Variants in TPP1 observed in about 807,000 individuals in gnomAD.
The protein encoded by TPP1 is tripeptidyl peptidase 1, also known as tripeptidyl-peptidase 1.
Under a neutral mutation model 67.6 loss-of-function variants are expected in TPP1, and 43 were observed. The observed-to-expected ratio is 0.64, with a 90% CI of 0.50 to 0.82. TPP1 has a LOEUF of 0.82. TPP1 is among the 40% of genes least tolerant of loss of function. TPP1 has a pLI of 0.00. For synonymous variants in TPP1, 272 were observed against 281.5 expected, an observed-to-expected ratio of 0.97 and a Z score of 0.34; for missense variants, 671 against 710.9, an observed-to-expected ratio of 0.94 and a Z score of 0.64.
At chr11:6,615,371 C>T (rs775743187) in intron 10 of TPP1, 42 bp from the exon 11 acceptor site, 14 of 1,613,982 alleles carry the variant, frequency 8.7e-6, no homozygotes, top group African/African-American at 1.3e-5. Flanking sequence ...GTGGCCTGCC[C>T]AGCAGTCAGC....
intron 3 of TPP1, chr11:6,618,534 T>G (rs1855619177): frequency 4.9e-6 from 3 of 610,552 alleles, no homozygotes; most frequent in East Asian, 5.5e-5. Flanking sequence ...TAGAATGGAT[T>G]TGAGGGTAGG....
chr11:6,617,159 G>C lies in TPP1; in HGVS notation c.509-6C>G, dbSNP rs778046473. The C allele has an allele frequency of 1.2e-6, 2 of 1,614,066 alleles. No individual in the cohort carries two copies. Among genetic ancestry groups the C allele is most frequent in the East Asian group, 4.5e-5 (2 of 44,868 alleles). On this transcript the variant is annotated splice_region_variant and splice_polypyrimidine_tract_variant and intron_variant, in intron 5 of 12. Coordinates refer to ENST00000299427, the MANE Select transcript of TPP1 (RefSeq NM_000391.4). The stretch of plus-strand genomic sequence containing the variant: ...AAAACGGTGCAGTCCCCCCACTGTA[G>C]GGAGAAGTCAGGCTTGAGGAGATCT...
At position 6,615,453 on chromosome 11, in the gene TPP1, G is replaced by C. The variant is rs944081613; in HGVS notation, c.1255C>G (p.Pro419Ala). 4 of 1,614,102 alleles carry C rather than the reference G, an allele frequency of 2.5e-6. No individual in the cohort carries two copies. Among genetic ancestry groups the C allele is most frequent in the Non-Finnish European group, 3.4e-6 (4 of 1,180,052 alleles). The change falls in exon 10 of 13, where the codon CCT (proline) becomes GCT (alanine). Residue 419 changes from proline (P) to alanine (A), a missense_variant. Physicochemically the swap from Pro to Ala is conservative, Grantham distance 27 (BLOSUM62 -1). Coordinates refer to ENST00000299427, the MANE Select transcript of TPP1 (RefSeq NM_000391.4). ...GGGFSNVFPR[P>A]SYQEEAVTKF... ...ACAAACACACGTACCTGGTATGAAG[G>C]CCGTGGGAACACATTGCTGAAGCCA... is the stretch of plus-strand genomic sequence containing the variant.
chr11:6,614,603 T>C lies in TPP1; in HGVS notation c.1635A>G (p.Val545=). 3.1e-6 allele frequency: 5 copies of C among 1,614,146 alleles called. No individual in the cohort carries two copies. Among genetic ancestry groups the C allele is most frequent in the Non-Finnish European group, 2.5e-6 (3 of 1,179,998 alleles). The change falls in exon 13 of 13, where the codon GTA becomes GTG. Residue 545 remains valine (V), a synonymous_variant. Transcript: ENST00000299427. The part of the protein sequence containing the change: ...GFCSGPGWDP[V]TGWGTPNFPA... ...GGAAGTTGGGTGTTCCCCAGCCTGT[T>C]ACAGGATCCCAGCCAGGACCAGAGC...
At chr11:6,618,559 T>A in intron 3 of TPP1, 1 of 642,058 alleles carries the variant, frequency 1.6e-6, no homozygotes, top group Non-Finnish European at 2.7e-6. Flanking sequence ...GGAACGTAAG[T>A]TGTACTAGAT....
Position 6,615,197 on chromosome 11 carries a change from G to C in TPP1, c.1399C>G (p.Pro467Ala), listed in dbSNP as rs1463818673. 1 of 1,614,092 alleles carries C rather than the reference G, an allele frequency of 6.2e-7. No individual in the cohort carries two copies. The highest frequency in any genetic ancestry group is 1.3e-5 in the African/African-American group (1 of 74,924). Residue 467 changes from proline to alanine, a missense_variant, in exon 11 of 13, where the codon CCC becomes GCC. By Grantham distance (27) the Pro-to-Ala change is conservative. Coordinates refer to ENST00000299427, the MANE Select transcript of TPP1 (RefSeq NM_000391.4). ...DGYWVVSNRV[P>A]IPWVSGTSAS... is the part of the protein sequence containing the mutation. ...GAGGTTCCGGACACCCATGGAATGGGCACTCTGTTGCTGACCACCCAGTAG... is the reference window on the plus strand; with the variant it reads ...GAGGTTCCGGACACCCATGGAATGGCCACTCTGTTGCTGACCACCCAGTAG...
At chr11:6,617,555 C>G in intron 4 of TPP1, 71 bp downstream of exon 4, 3 of 1,613,330 alleles carry the variant, frequency 1.9e-6, no homozygotes, top group Non-Finnish European at 2.5e-6. Context: ...CCAGCAAGCT[C>G]TCAACTCCCT....
Position 6,616,886 on chromosome 11 carries a change from G to A in TPP1, c.688-27C>T, listed in dbSNP as rs374750805. On this transcript the variant is annotated intron_variant, in intron 6 of 12. Coordinates refer to ENST00000299427, the MANE Select transcript of TPP1 (RefSeq NM_000391.4). ...TATGGAGGGAGTCAGAGCAGAGATC[G>A]TGGGTCCGAGGGTGAGTCCCAGGGT... 6.8e-5 allele frequency: 110 copies of A among 1,614,044 alleles called. 1 individual carries two copies. In the East Asian group the frequency reaches 1.2e-3, roughly 18 times the overall value.
In TPP1 at chr11:6,617,151, C is replaced by G. The variant is rs994636765; in HGVS notation, c.511G>C (p.Gly171Arg). Reference sequence around the variant, plus strand: ...GTTGGGGGAAAACGGTGCAGTCCCCCCACTGTAGGGAGAAGTCAGGCTTGA... The same window carrying G: ...GTTGGGGGAAAACGGTGCAGTCCCCGCACTGTAGGGAGAAGTCAGGCTTGA... ...QALAPHVDFV[G>R]GLHRFPPTSS... Residue 171 changes from glycine (G) to arginine (R), a missense_variant and splice_region_variant, in exon 6 of 13, where the codon GGG (glycine) becomes CGG (arginine). Physicochemically the swap from Gly to Arg is moderately radical, Grantham distance 125. Transcript: ENST00000299427. 5.0e-6 allele frequency: 8 copies of G among 1,613,966 alleles called. No individual in the cohort carries two copies. The highest frequency in any genetic ancestry group is 6.8e-6 in the Non-Finnish European group (8 of 1,180,002).
Position 6,614,096 on chromosome 11 carries a change from A to T in TPP1, c.*450T>A, listed in dbSNP as rs1033186219. 1.1e-5 allele frequency: 2 copies of T among 179,184 alleles called. No individual in the cohort carries two copies. The highest frequency in any genetic ancestry group is 4.7e-5 in the African/African-American group (2 of 42,132). 11.1% of individuals were successfully genotyped at this position (179,184 alleles called of 1,614,324 possible). Reference sequence around the variant, plus strand: ...GAGGGAGTGGGCAACTATGATGGAAAGGCCATAAAGCAAAGATTGAGAAGT... The same window carrying T: ...GAGGGAGTGGGCAACTATGATGGAATGGCCATAAAGCAAAGATTGAGAAGT... On this transcript the variant is annotated 3_prime_UTR_variant, in exon 13 of 13. Coordinates refer to ENST00000299427, the MANE Select transcript of TPP1 (RefSeq NM_000391.4).
At chr11:6,617,183 C>G (rs964746255) in intron 5 of TPP1, 30 bp from the exon 6 acceptor site, 2 of 1,613,982 alleles carry the variant, frequency 1.2e-6, no homozygotes, top group Non-Finnish European at 1.7e-6. Context: ...TTGAGGAGAT[C>G]TTATAGACTG....
At chr11:6,617,832 C>T (rs1855610339) in intron 3 of TPP1, 56 bp from the exon 4 acceptor site, 6 of 1,612,502 alleles carry the variant, frequency 3.7e-6, no homozygotes, top group Admixed American at 3.3e-5. Context: ...CAAACTCCCC[C>T]TTTTGGACCT....
At chr11:6,619,168 G>A (rs747029559) in intron 2 of TPP1, 28 bp downstream of exon 2, 2 of 1,613,240 alleles carry the variant, frequency 1.2e-6, no homozygotes, top group South Asian at 1.1e-5. Flanking sequence ...GTATGGGGAA[G>A]GGGGCAGTCT....
Position 6,616,341 on chromosome 11 carries a change from C to G in TPP1, c.1049G>C (p.Arg350Pro), listed in dbSNP as rs199866669. Residue 350 changes from arginine to proline, a missense_variant, in exon 8 of 13, where the codon CGG (arginine) becomes CCG (proline). Transcript: ENST00000299427. ...VNTELMKAAA[R>P]GLTLLFASGD... ...TGAGGCGAAGAGCAGGGTGAGACCC[C>G]GAGCGGCAGCCTTCATGAGCTCAGT... The G allele has an allele frequency of 1.2e-6, 2 of 1,613,392 alleles. No individual in the cohort carries two copies. The highest frequency in any genetic ancestry group is 1.1e-5 in the South Asian group (1 of 91,046).
chr11:6,618,687 A>T, intron 3 of TPP1, 89 bp downstream of exon 3: 1 of 1,569,538 alleles, frequency 6.4e-7, no homozygotes, highest in Non-Finnish European at 8.7e-7. Context: ...GTGTCTTGGC[A>T]GGCTCTGACA....
rs2134596230 is a variant in TPP1 at position 6,617,702 on chromosome 11, A to G, written c.304T>C (p.Trp102Arg). 6.2e-7 allele frequency: 1 copy of G among 1,614,138 alleles called. No individual in the cohort carries two copies. Among genetic ancestry groups the G allele is most frequent in the African/African-American group, 1.3e-5 (1 of 75,018 alleles). Residue 102 changes from tryptophan (W) to arginine (R), a missense_variant, in exon 4 of 13, where the codon TGG becomes CGG. Coordinates refer to ENST00000299427, the MANE Select transcript of TPP1 (RefSeq NM_000391.4). ...SPLTLHTVQK[W>R]LLAAGAQKCH... Reference sequence around the variant, plus strand: ...TTCTGGGCTCCGGCTGCCAAGAGCCATTTTTGCACCGTGTGGAGGGTCAGT... The same window carrying G: ...TTCTGGGCTCCGGCTGCCAAGAGCCGTTTTTGCACCGTGTGGAGGGTCAGT...
Position 6,614,941 on chromosome 11 carries a change from C to T in TPP1, c.1476G>A (p.Arg492=), listed in dbSNP as rs1384482520. ...GGILSLINEH[R]ILSGRPPLGF... ...CAAGAGGGGGGCGGCCACTAAGGAT[C>T]CTGTGCTCATTGATCAAGGATAGGA... is the stretch of plus-strand genomic sequence containing the variant. Residue 492 remains arginine, a synonymous_variant, in exon 12 of 13, where the codon AGG becomes AGA. Transcript: ENST00000299427. 5.6e-6 allele frequency: 9 copies of T among 1,614,010 alleles called. No homozygotes were observed. The highest frequency in any genetic ancestry group is 8.5e-7 in the Non-Finnish European group (1 of 1,180,042).
chr11:6,615,055 T>C lies in TPP1; in HGVS notation c.1426-64A>G, dbSNP rs1800743. 9,519 of 1,613,588 alleles carry C rather than the reference T, an allele frequency of 5.9e-3. 29 individuals carry two copies. The highest frequency in any genetic ancestry group is 7.3e-3 in the Non-Finnish European group (8,582 of 1,179,658). ...GAGTGATTGGACTTTTTGGGAGTGA[T>C]GCTTTAAAGTATCAGACATCTCTAA... On this transcript the variant is annotated intron_variant, in intron 11 of 12. Coordinates refer to ENST00000299427, the MANE Select transcript of TPP1 (RefSeq NM_000391.4).
At chr11:6,615,127 A>C (rs1262690340) in intron 11 of TPP1, 44 bp downstream of exon 11, 1 of 1,614,098 alleles carries the variant, frequency 6.2e-7, no homozygotes. Flanking sequence ...TTAGGGGGTA[A>C]GGGTAGTTCC....
Sources: gnomAD v4.1 joint callset for allele counts on GRCh38, gnomAD v4.1.1 for gene constraint, MANE v1.5 for transcripts, NCBI Gene and HGNC (gene_info 2026-07-23, HGNC 2026-07-21) for gene names.